PHLDA3: variants seen among roughly 807,000 people sequenced by gnomAD.
The protein encoded by PHLDA3 is pleckstrin homology-like domain family A member 3.
PHLDA3 carries 12 observed loss-of-function variants against 7.6 expected under a neutral mutation model. The ratio of observed to expected loss-of-function variants is 1.58; its 90% confidence interval spans 1.01 to 2.55. PHLDA3 has a LOEUF of 2.55. PHLDA3 is among the 30% of genes most tolerant of loss of function. The pLI is 0.00. For missense variants in PHLDA3, 177 were observed against 175.6 expected (o/e 1.01, Z -0.05); for synonymous variants, 104 against 85.1 (o/e 1.22, Z -1.23).
At chr1:201,466,922 A>C (rs1571761083) in intron 1 of PHLDA3, among the ~76,000 whole-genome samples, 2 of 145,640 alleles carry the variant, frequency 1.4e-5, no homozygotes, top group Non-Finnish European at 3.0e-5. Context: ...CTAGGCCCCC[A>C]CCCCTTGGCA....
intron 1 of PHLDA3, among the ~76,000 whole-genome samples, chr1:201,466,950 G>A (rs1663677565): frequency 6.6e-6 from 1 of 152,250 alleles, no homozygotes; most frequent in South Asian, 2.1e-4. Context: ...CCCAGCCTCT[G>A]GCGCAGTTGC....
rs574223486 is a variant in PHLDA3, at chr1:201,468,812, T to C, written c.-26A>G. On this transcript the variant is annotated 5_prime_UTR_variant, in exon 1 of 2. Transcript: ENST00000367311. ...GGGCGCCCCGAGGTTCGCGGAAAGC[T>C]CCAGGCTGCGGCGGGCGCGGCGCCC... The C allele has an allele frequency of 6.7e-6, 10 of 1,499,290 alleles. No individual in the cohort carries two copies. In the South Asian group the frequency reaches 1.1e-4, roughly 17 times the overall value. The allele number at this position is 1,499,290 out of a possible 1,614,324, so 92.9% of individuals were successfully genotyped here. A position where few individuals can be genotyped will look rare whatever the true frequency, so the allele number is the denominator to read the frequency against.
chr1:201,468,993 A>C lies in PHLDA3; in HGVS notation c.-207T>G. On this transcript the variant is annotated 5_prime_UTR_variant, in exon 1 of 2. Coordinates refer to ENST00000367311, the MANE Select transcript of PHLDA3 (RefSeq NM_012396.5). The stretch of plus-strand genomic sequence containing the variant: ...GGTGCCCCCAGCGCGCTCCGCGCCC[A>C]CCGCCCCGCTTCAGCCGGCACCCGC... 1 of 475,248 alleles carries C rather than the reference A, an allele frequency of 2.1e-6. No individual in the cohort carries two copies. Among genetic ancestry groups the C allele is most frequent in the Non-Finnish European group, 3.4e-6 (1 of 294,928 alleles). 29.4% of individuals were successfully genotyped at this position (475,248 alleles called of 1,614,324 possible).
In PHLDA3 at chr1:201,469,108, GTTCTCT is replaced by G. The variant is rs1432842874; in HGVS notation, c.-328_-323del. On this transcript the variant is annotated 5_prime_UTR_variant, in exon 1 of 2. Coordinates refer to ENST00000367311, the MANE Select transcript of PHLDA3 (RefSeq NM_012396.5). ...AGGCCGTGAGCCCCACCGCCCGCCC[GTTCTCT>G]TGCTCCCCTGGGCTCTGTCTGCGCG... 3.5e-6 allele frequency: 1 copy of G among 287,220 alleles called. No individual in the cohort carries two copies. The highest frequency in any genetic ancestry group is 2.2e-5 in the African/African-American group (1 of 44,962). The allele number at this position is 287,220 out of a possible 1,614,324, so 17.8% of individuals were successfully genotyped here. A position where few individuals can be genotyped will look rare whatever the true frequency, so the allele number is the denominator to read the frequency against.
In PHLDA3 at chr1:201,468,406, G is replaced by A; in HGVS notation, c.381C>T (p.Ser127=). 6.2e-7 allele frequency: 1 copy of A among 1,613,870 alleles called. No individual in the cohort carries two copies. The change falls in exon 1 of 2, where the codon TCC becomes TCT. Residue 127 remains serine, a synonymous_variant. Transcript: ENST00000367311. Reference sequence around the variant, plus strand: ...GAAAGATGGTGCGCCCGGTGGTTTAGGACACGAGGGTCCCGGTCCCGAGGC... The same window carrying A: ...GAAAGATGGTGCGCCCGGTGGTTTAAGACACGAGGGTCCCGGTCCCGAGGC... ...RQSLGTGTLV[S] is the part of the protein sequence containing the mutation.
chr1:201,468,925 C>A lies in PHLDA3; in HGVS notation c.-139G>T. 1.0e-6 allele frequency: 1 copy of A among 963,262 alleles called. No homozygotes were observed. The highest frequency in any genetic ancestry group is 3.4e-5 in the East Asian group (1 of 29,274). The allele number at this position is 963,262 out of a possible 1,614,324, so 59.7% of individuals were successfully genotyped here. A position where few individuals can be genotyped will look rare whatever the true frequency, so the allele number is the denominator to read the frequency against. The stretch of plus-strand genomic sequence containing the variant: ...CTGCGCCCTGACTGCTCCGCGCACC[C>A]ACACCGCGGCCCTCAGCACCCGGCT... On this transcript the variant is annotated 5_prime_UTR_variant, in exon 1 of 2. Coordinates refer to ENST00000367311, the MANE Select transcript of PHLDA3 (RefSeq NM_012396.5).
At position 201,468,770 on chromosome 1, in the gene PHLDA3, G is replaced by A; in HGVS notation, c.17C>T (p.Thr6Met). 1 of 1,563,518 alleles carries A rather than the reference G, an allele frequency of 6.4e-7. No homozygotes were observed. Among genetic ancestry groups the A allele is most frequent in the Non-Finnish European group, 8.6e-7 (1 of 1,162,530 alleles). ...CACGCCCTCCTTGAGCACGGTAGCC[G>A]TCGCCGCCGCCGTCATGGGCGCCCC... is the stretch of plus-strand genomic sequence containing the variant. MTAAA[T>M]ATVLKEGVLE... Residue 6 changes from threonine to methionine, a missense_variant, in exon 1 of 2, where the codon ACG becomes ATG. Physicochemically the swap from Thr to Met is moderately conservative, Grantham distance 81. Transcript: ENST00000367311.
At position 201,468,727 on chromosome 1, in the gene PHLDA3, G is replaced by C; in HGVS notation, c.60C>G (p.Gly20=). ...TCCGCTTCCACAGCTGCAGCAGCCCGCCGCTGCGCTTCTCCAGCACGCCCT... is the reference window on the plus strand; with the variant it reads ...TCCGCTTCCACAGCTGCAGCAGCCCCCCGCTGCGCTTCTCCAGCACGCCCT... The part of the protein sequence containing the change: ...LKEGVLEKRS[G]GLLQLWKRKR... The change falls in exon 1 of 2, where the codon GGC becomes GGG. Residue 20 remains glycine (G), a synonymous_variant. Coordinates refer to ENST00000367311, the MANE Select transcript of PHLDA3 (RefSeq NM_012396.5). The C allele has an allele frequency of 5.0e-6, 8 of 1,601,662 alleles. No individual in the cohort carries two copies. Among genetic ancestry groups the C allele is most frequent in the Non-Finnish European group, 6.8e-6 (8 of 1,177,896 alleles).
rs1483836741 is a variant in PHLDA3 at position 201,465,153 on chromosome 1, A to G, written c.*1088T>C. On this transcript the variant is annotated 3_prime_UTR_variant, in exon 2 of 2. Coordinates refer to ENST00000367311, the MANE Select transcript of PHLDA3 (RefSeq NM_012396.5). ...TATTCCTTTTAACCCTCCAGGAGGG[A>G]GAACTTACTGTGTAAATGTATAAAG... 2 of 152,176 alleles carry G rather than the reference A, an allele frequency of 1.3e-5. No individual in the cohort carries two copies. The highest frequency in any genetic ancestry group is 2.9e-5 in the Non-Finnish European group (2 of 68,044). 9.4% of individuals were successfully genotyped at this position (152,176 alleles called of 1,614,324 possible).
At position 201,468,713 on chromosome 1, in the gene PHLDA3, A is replaced by G; in HGVS notation, c.74T>C (p.Leu25Pro). The change falls in exon 1 of 2, where the codon CTG becomes CCG. Residue 25 changes from leucine to proline, a missense_variant. Transcript: ENST00000367311. ...GAGGACGCAGCGCTTCCGCTTCCAC[A>G]GCTGCAGCAGCCCGCCGCTGCGCTT... The part of the protein sequence containing the change: ...LEKRSGGLLQ[L>P]WKRKRCVLTE... 1 of 1,604,788 alleles carries G rather than the reference A, an allele frequency of 6.2e-7. No individual in the cohort carries two copies. Among genetic ancestry groups the G allele is most frequent in the Non-Finnish European group, 8.5e-7 (1 of 1,178,706 alleles).
In PHLDA3 at chr1:201,469,070, T is replaced by C. The variant is rs1055951139; in HGVS notation, c.-284A>G. 2.5e-5 allele frequency: 9 copies of C among 353,576 alleles called. No homozygotes were observed. The highest frequency in any genetic ancestry group is 1.9e-4 in the African/African-American group (9 of 46,172). The allele number at this position is 353,576 out of a possible 1,614,324, so 21.9% of individuals were successfully genotyped here. A position where few individuals can be genotyped will look rare whatever the true frequency, so the allele number is the denominator to read the frequency against. On this transcript the variant is annotated 5_prime_UTR_variant, in exon 1 of 2. Transcript: ENST00000367311. ...GCCCGACCCGCCTCTGCCAGATGCC[T>C]CCGCGCCTCCCTAGGCCGTGAGCCC... is the stretch of plus-strand genomic sequence containing the variant.
At chr1:201,467,383 G>C (rs1243168187) in intron 1 of PHLDA3, 1 of 152,326 alleles carries the variant, frequency 6.6e-6, no homozygotes, top group Non-Finnish European at 1.5e-5. Flanking sequence ...GGCCGAGGCA[G>C]GCAGATCACC....
chr1:201,467,158 A>T (rs1236977982), intron 1 of PHLDA3, among the ~76,000 whole-genome samples: 14 of 152,070 alleles, frequency 9.2e-5, no homozygotes, highest in African/African-American at 2.9e-4. Flanking sequence ...AAAAAAAAAA[A>T]TTAGCCAGGC....
In PHLDA3 at chr1:201,466,168, G is replaced by A. The variant is rs1279227761; in HGVS notation, c.*73C>T. ...CAGCCGTGCCCCCACAAGCCAGAGG[G>A]AACAACGAAGCTGGCAAGAAAGAAC... On this transcript the variant is annotated 3_prime_UTR_variant, in exon 2 of 2. Transcript: ENST00000367311. The A allele has an allele frequency of 6.5e-6, 1 of 154,400 alleles. No homozygotes were observed. 9.6% of individuals were successfully genotyped at this position (154,400 alleles called of 1,614,324 possible).
In PHLDA3 at chr1:201,465,997, T is replaced by C. The variant is rs1230272509; in HGVS notation, c.*244A>G. The C allele has an allele frequency of 6.5e-6, 1 of 154,928 alleles. No homozygotes were observed. The highest frequency in any genetic ancestry group is 2.4e-5 in the African/African-American group (1 of 41,522). The allele number at this position is 154,928 out of a possible 1,614,324, so 9.6% of individuals were successfully genotyped here. A position where few individuals can be genotyped will look rare whatever the true frequency, so the allele number is the denominator to read the frequency against. On this transcript the variant is annotated 3_prime_UTR_variant, in exon 2 of 2. Coordinates refer to ENST00000367311, the MANE Select transcript of PHLDA3 (RefSeq NM_012396.5). ...TGGCTCGAAGCCCCTGAGCTGGGCATGTCCTGAGAGTCTGGGACCATCCAG... is the reference window on the plus strand; with the variant it reads ...TGGCTCGAAGCCCCTGAGCTGGGCACGTCCTGAGAGTCTGGGACCATCCAG...
rs1663613552 is a variant in PHLDA3 at position 201,464,515 on chromosome 1, G to C, written c.*1726C>G. The C allele has an allele frequency of 6.6e-6, 1 of 152,252 alleles. No homozygotes were observed. The highest frequency in any genetic ancestry group is 1.5e-5 in the Non-Finnish European group (1 of 68,060). 9.4% of individuals were successfully genotyped at this position (152,252 alleles called of 1,614,324 possible). On this transcript the variant is annotated 3_prime_UTR_variant, in exon 2 of 2. Transcript: ENST00000367311. ...TCTGAGGGACTGGGGCACAGGACAG[G>C]GAAGTTTTTATTGGAAGGCGAGAGA... is the stretch of plus-strand genomic sequence containing the variant.
In PHLDA3 at chr1:201,468,338, T is replaced by C. The variant is rs530490434; in HGVS notation, c.*62+3A>G. The C allele has an allele frequency of 3.8e-6, 6 of 1,580,328 alleles. No homozygotes were observed. The highest frequency in any genetic ancestry group is 5.2e-6 in the Non-Finnish European group (6 of 1,160,624). ...AAGAGGGCCCAGTCCCCCGGGGGCTTACCTGCCTTGACCTCAGCACTGAGG... is the reference window on the plus strand; with the variant it reads ...AAGAGGGCCCAGTCCCCCGGGGGCTCACCTGCCTTGACCTCAGCACTGAGG... On this transcript the variant is annotated splice_donor_region_variant and intron_variant, in intron 1 of 1. Coordinates refer to ENST00000367311, the MANE Select transcript of PHLDA3 (RefSeq NM_012396.5).
At chr1:201,467,564 T>TCA (rs1663695549) in intron 1 of PHLDA3, 1 of 152,202 alleles carries the variant, frequency 6.6e-6, no homozygotes, top group Non-Finnish European at 1.5e-5. Flanking sequence ...TGAGCCAAGA[T>TCA]CACACGACTG....
At chr1:201,467,168 C>A (rs1663682839) in intron 1 of PHLDA3, among the ~76,000 whole-genome samples, 1 of 152,046 alleles carries the variant, frequency 6.6e-6, no homozygotes, top group Non-Finnish European at 1.5e-5. Context: ...ATTAGCCAGG[C>A]ATGGTGGCGT....
Sources: gnomAD v4.1 joint callset for allele counts (sites outside exome capture counted in the v4.1 genomes callset) on GRCh38, gnomAD v4.1.1 for gene constraint, MANE v1.5 for transcripts, NCBI Gene and HGNC (gene_info 2026-07-23, HGNC 2026-07-21) for gene names.